Variants in GPR141 observed in about 807,000 individuals in gnomAD.
GPR141 encodes probable G protein-coupled receptor 141.
In GPR141, 6 loss-of-function variants were observed where a neutral mutation model predicts 6.8. That is an observed-to-expected ratio of 0.88 (90% confidence interval 0.48 to 1.74). The LOEUF (loss-of-function observed/expected upper bound fraction) is 1.74, where lower values mean the gene tolerates loss of function less well. Ranked by LOEUF, GPR141 falls within the 40% of genes most tolerant of loss-of-function variation. GPR141 has a pLI of 0.01. For synonymous variants in GPR141, 140 were observed against 142.3 expected (o/e 0.98, Z 0.11); for missense variants, 372 against 372.9 (o/e 1.00, Z 0.02).
At chr7:37,711,338 C>T (rs895628655) in intron 2 of GPR141, among the ~76,000 whole-genome samples, 7 of 152,152 alleles carry the variant, frequency 4.6e-5, no homozygotes, top group Non-Finnish European at 7.3e-5. Context: ...TACGTGTTGC[C>T]TAAATAACAG....
intron 2 of GPR141, among the ~76,000 whole-genome samples, chr7:37,688,147 A>G (rs116030217): frequency 0.038 from 5,802 of 152,136 alleles, 399 homozygotes; most frequent in African/African-American, 0.13. Flanking sequence ...AAAAACTACT[A>G]TGTAGTAGGC....
chr7:37,720,171 T>TTCACC lies in GPR141; in HGVS notation c.-14-20208_-14-20207insCACCT, dbSNP rs535209616. Among the ~76,000 whole-genome samples, 440 of 151,754 alleles carry TTCACC rather than the reference T, an allele frequency of 2.9e-3. 3 individuals are homozygous for TTCACC. Among genetic ancestry groups the TTCACC allele is most frequent in the African/African-American group, 0.01 (424 of 41,366 alleles). ...CAGGGCCTGGGAGGTGAACCAGGAG[T>TTCACC]TGGGCAGAAGGCAGGCAGAGAAAAG... On this transcript the variant is annotated intron_variant, in intron 2 of 2. Transcript: ENST00000334425.
At chr7:37,699,430 G>A (rs982357628) in intron 2 of GPR141, among the ~76,000 whole-genome samples, 9 of 152,220 alleles carry the variant, frequency 5.9e-5, no homozygotes, top group African/African-American at 1.9e-4. Context: ...GCGTGGTGGC[G>A]GGCGCCTGTA....
At position 37,695,096 on chromosome 7, in the gene GPR141, T is replaced by C. The variant is rs188915106; in HGVS notation, c.-15+9513T>C. ...AGGAGGGATTGCACAGCTTCAGCTT[T>C]AGCTCCAGGCAAGGGGGCAGATGGA... is the stretch of plus-strand genomic sequence containing the variant. On this transcript the variant is annotated intron_variant, in intron 2 of 2. Transcript: ENST00000334425. Among the ~76,000 whole-genome samples, 166 of 152,292 alleles carry C rather than the reference T, an allele frequency of 1.1e-3. 1 individual carries two copies. The highest frequency in any genetic ancestry group is 5.8e-4 in the East Asian group (3 of 5,184).
At chr7:37,726,751 A>G (rs978918608) in intron 2 of GPR141, among the ~76,000 whole-genome samples, 1 of 152,232 alleles carries the variant, frequency 6.6e-6, no homozygotes, top group Non-Finnish European at 1.5e-5. Flanking sequence ...AATGGTCAAG[A>G]TCAGGAAAAT....
At chr7:37,735,277 G>A (rs913493062) in intron 2 of GPR141, among the ~76,000 whole-genome samples, 4 of 152,228 alleles carry the variant, frequency 2.6e-5, no homozygotes, top group Admixed American at 2.6e-4. Context: ...CACAACAGTA[G>A]CTTTTCCAAT....
intron 2 of GPR141, among the ~76,000 whole-genome samples, chr7:37,716,367 A>G (rs1811050902): frequency 6.6e-6 from 1 of 152,214 alleles, no homozygotes; most frequent in Non-Finnish European, 1.5e-5. Context: ...TTTGGTACAA[A>G]TAATGGAAAA....
At chr7:37,715,900 C>T (rs1222218584) in intron 2 of GPR141, among the ~76,000 whole-genome samples, 1 of 152,146 alleles carries the variant, frequency 6.6e-6, no homozygotes, top group African/African-American at 2.4e-5. Flanking sequence ...GAAACGAGTC[C>T]TGAAATTCAT....
chr7:37,732,057 T>TTTA (rs1348412388), intron 2 of GPR141, among the ~76,000 whole-genome samples: 26 of 124,200 alleles, frequency 2.1e-4, no homozygotes, highest in Non-Finnish European at 3.8e-4. Flanking sequence ...TTATTTATTT[T>TTTA]ATTTTTTTAT....
chr7:37,721,322 C>T (rs1811316127), intron 2 of GPR141, among the ~76,000 whole-genome samples: 1 of 152,112 alleles, frequency 6.6e-6, no homozygotes, highest in South Asian at 2.1e-4. Context: ...TAAGAAATTT[C>T]CATCTTAGTG....
rs1812610781 is a variant in GPR141, at chr7:37,742,417, C to T, written c.*1106C>T. Among the ~76,000 whole-genome samples, 1 of 151,780 alleles carries T rather than the reference C, an allele frequency of 6.6e-6. No individual in the cohort carries two copies. The highest frequency in any genetic ancestry group is 2.4e-5 in the African/African-American group (1 of 41,314). ...CCTAGCCCCCCACCCCTGGACAGGC[C>T]CCATTGTGTGATGTTCCCCTCCCTG... is the stretch of plus-strand genomic sequence containing the variant. On this transcript the variant is annotated 3_prime_UTR_variant, in exon 3 of 3. Coordinates refer to ENST00000334425, the MANE Select transcript of GPR141 (RefSeq NM_001381946.1).
chr7:37,690,785 C>T (rs755789469), intron 2 of GPR141, among the ~76,000 whole-genome samples: 1 of 150,912 alleles, frequency 6.6e-6, no homozygotes, highest in Non-Finnish European at 1.5e-5. Flanking sequence ...AAAGTGTATT[C>T]TGCAGCCGCT....
intron 2 of GPR141, among the ~76,000 whole-genome samples, chr7:37,694,683 A>T (rs373172852): frequency 4.6e-5 from 7 of 152,334 alleles, no homozygotes; most frequent in African/African-American, 1.7e-4. Flanking sequence ...AGCAAGAGAG[A>T]TGGGGAAAGT....
chr7:37,689,549 A>T (rs145478865), intron 2 of GPR141, among the ~76,000 whole-genome samples: 3 of 152,150 alleles, frequency 2.0e-5, no homozygotes, highest in Non-Finnish European at 2.9e-5. Flanking sequence ...AGACTTTTTT[A>T]AAATTATGGA....
intron 2 of GPR141, among the ~76,000 whole-genome samples, chr7:37,695,854 A>C (rs1809992474): frequency 6.6e-6 from 1 of 152,170 alleles, no homozygotes; most frequent in Non-Finnish European, 1.5e-5. Flanking sequence ...CCGTGTTGTC[A>C]CTGTGTGGCG....
chr7:37,712,001 A>T (rs1810820614), intron 2 of GPR141, among the ~76,000 whole-genome samples: 1 of 152,232 alleles, frequency 6.6e-6, no homozygotes, highest in Non-Finnish European at 1.5e-5. Context: ...TTTCATAACA[A>T]TTCAGGAATC....
chr7:37,691,246 C>CTT (rs375372143), intron 2 of GPR141, among the ~76,000 whole-genome samples: 1 of 97,954 alleles, frequency 1.0e-5, no homozygotes, highest in African/African-American at 3.8e-5. Context: ...TAGTTGGGTC[C>CTT]TTTTTTTTTT....
intron 2 of GPR141, among the ~76,000 whole-genome samples, chr7:37,718,912 C>T (rs1164338958): frequency 6.6e-6 from 1 of 152,164 alleles, no homozygotes; most frequent in Non-Finnish European, 1.5e-5. Flanking sequence ...GCAGGGCTCA[C>T]ATTTGTTTTA....
At chr7:37,738,581 G>T (rs1812372032) in intron 2 of GPR141, among the ~76,000 whole-genome samples, 1 of 152,080 alleles carries the variant, frequency 6.6e-6, no homozygotes, top group Non-Finnish European at 1.5e-5. Context: ...AGTTAAGTGA[G>T]TCACAATTCC....
Sources: allele counts gnomAD v4.1 joint callset (sites outside exome capture counted in the v4.1 genomes callset), GRCh38; gene constraint gnomAD v4.1.1; transcripts MANE v1.5; gene names NCBI Gene and HGNC (gene_info 2026-07-23, HGNC 2026-07-21).